The following ERG variants were observed in gnomAD, a reference collection of about 807,000 sequenced individuals.
The protein encoded by ERG is transcriptional regulator ERG.
ERG carries 9 observed loss-of-function variants against 55.3 expected under a neutral mutation model. The observed-to-expected ratio is 0.16, with a 90% CI of 0.10 to 0.28. ERG has a LOEUF of 0.28. Among genes scored for constraint, ERG ranks in the 10% least tolerant of loss-of-function variants. The pLI, the probability that ERG is intolerant of heterozygous loss-of-function variation, is 1.00. For synonymous variants in ERG, 223 were observed against 237.3 expected (o/e 0.94, Z 0.55); for missense variants, 434 against 631.6 (o/e 0.69, Z 3.35).
At chr21:38,511,436 G>A (rs982479663) in intron 2 of ERG, among the ~76,000 whole-genome samples, 3 of 152,132 alleles carry the variant, frequency 2.0e-5, no homozygotes, top group Admixed American at 6.6e-5. Flanking sequence ...CATGCTACAC[G>A]AGACTTCCTA....
intron 1 of ERG, among the ~76,000 whole-genome samples, chr21:38,605,168 A>G (rs1022467559): frequency 6.6e-6 from 1 of 152,170 alleles, no homozygotes; most frequent in African/African-American, 2.4e-5. Flanking sequence ...TCAAAAAGCT[A>G]TCTATACTAC....
intron 4 of ERG, 95 bp from the exon 5 acceptor site, chr21:38,402,732 G>GAAAGAA: frequency 3.3e-6 from 2 of 597,774 alleles, no homozygotes; most frequent in Non-Finnish European, 2.5e-6. Flanking sequence ...AAAAAAAAAA[G>GAAAGAA]AAAGAAAAAG....
chr21:38,615,436 A>C (rs2060252854), intron 1 of ERG, among the ~76,000 whole-genome samples: 1 of 152,118 alleles, frequency 6.6e-6, no homozygotes, highest in Non-Finnish European at 1.5e-5. Flanking sequence ...ATCTCAAAAA[A>C]TGCAAGCATG....
intron 2 of ERG, among the ~76,000 whole-genome samples, chr21:38,438,530 T>C (rs1451147689): frequency 6.6e-6 from 1 of 152,222 alleles, no homozygotes; most frequent in African/African-American, 2.4e-5. Flanking sequence ...ATGGCATGTT[T>C]TTTAAATAAC....
intron 1 of ERG, among the ~76,000 whole-genome samples, chr21:38,591,234 G>C (rs77282337): frequency 0.022 from 3,386 of 152,266 alleles, 77 homozygotes; most frequent in East Asian, 0.093. Context: ...CCAACCATAC[G>C]CATTGAGAAC....
At position 38,492,229 on chromosome 21, in the gene ERG, G is replaced by C. The variant is rs529074015; in HGVS notation, c.18+6134C>G. On this transcript the variant is annotated intron_variant, in intron 1 of 9. Transcript: ENST00000288319. ...TCTGTAAGAAAGCAGCAGTACCCAGGCTGCTGTGAGGATCACATGAGACAT... is the reference window on the plus strand; with the variant it reads ...TCTGTAAGAAAGCAGCAGTACCCAGCCTGCTGTGAGGATCACATGAGACAT... 9.9e-5 allele frequency among the ~76,000 whole-genome samples: 15 copies of C among 152,284 alleles called. No individual in the cohort carries two copies. In the South Asian group the frequency reaches 3.1e-3, roughly 32 times the overall value.
intron 1 of ERG, among the ~76,000 whole-genome samples, chr21:38,598,673 C>T (rs748186413): frequency 1.1e-4 from 16 of 152,130 alleles, no homozygotes; most frequent in Admixed American, 2.0e-4. Flanking sequence ...AAGTCCCTGC[C>T]CCTCTGCCTT....
At chr21:38,399,930 A>T (rs1286025893) in intron 6 of ERG, 1 of 203,346 alleles carries the variant, frequency 4.9e-6, no homozygotes, top group Non-Finnish European at 1.0e-5. Context: ...GGCACAGAGG[A>T]GGCACTCAGC....
At chr21:38,490,534 T>C (rs1327777369) in intron 1 of ERG, among the ~76,000 whole-genome samples, 1 of 151,940 alleles carries the variant, frequency 6.6e-6, no homozygotes, top group African/African-American at 2.4e-5. Context: ...AGCCAGGGAG[T>C]GAACCCCAAA....
At chr21:38,537,342 G>C (rs10854385) in intron 2 of ERG, among the ~76,000 whole-genome samples, 1 of 151,794 alleles carries the variant, frequency 6.6e-6, no homozygotes, top group African/African-American at 2.4e-5. Context: ...ACTTTTGTGA[G>C]TCAAACAAGC....
chr21:38,399,216 A>G (rs1384401195), intron 6 of ERG, among the ~76,000 whole-genome samples: 1 of 152,266 alleles, frequency 6.6e-6, no homozygotes, highest in East Asian at 1.9e-4. Flanking sequence ...CCTTTCCATC[A>G]TGCTTCCCAG....
At chr21:38,370,881 C>A in the ERG span, among the ~76,000 whole-genome samples, 1 of 151,258 alleles carries the variant, frequency 6.6e-6, no homozygotes, top group African/African-American at 2.4e-5. Flanking sequence ...TGCTTTCAAG[C>A]ATAGCTGGGC....
At chr21:38,523,433 T>A (rs1269642069) in intron 2 of ERG, among the ~76,000 whole-genome samples, 1 of 152,110 alleles carries the variant, frequency 6.6e-6, no homozygotes, top group Non-Finnish European at 1.5e-5. Flanking sequence ...TGAGTATTCA[T>A]CACCAACATC....
intron 2 of ERG, among the ~76,000 whole-genome samples, chr21:38,536,680 T>C (rs2059713133): frequency 7.5e-6 from 1 of 132,532 alleles, no homozygotes; most frequent in Non-Finnish European, 1.8e-5. Context: ...AACAAGACAA[T>C]GGAAGTCTGT....
At chr21:38,464,938 C>G (rs1348149489) in intron 1 of ERG, among the ~76,000 whole-genome samples, 1 of 152,104 alleles carries the variant, frequency 6.6e-6, no homozygotes, top group Non-Finnish European at 1.5e-5. Flanking sequence ...TGTATATGTG[C>G]CACATTTTCT....
In ERG at chr21:38,396,199, A is replaced by G. The variant is rs563988305; in HGVS notation, c.746-3755T>C. On this transcript the variant is annotated intron_variant, in intron 6 of 9. Transcript: ENST00000288319. ...AAAAAAAGTTTGAGTCAACCTTAAC[A>G]TAATTAAGTTGCTCTCTATTTTCCT... Among the ~76,000 whole-genome samples the G allele has an allele frequency of 9.8e-5, 15 of 152,362 alleles. No homozygotes were observed. The South Asian group carries it at 2.5e-3, about 25-fold the overall frequency.
intron 1 of ERG, among the ~76,000 whole-genome samples, chr21:38,485,823 C>T (rs1568843323): frequency 6.6e-6 from 1 of 151,926 alleles, no homozygotes; most frequent in Non-Finnish European, 1.5e-5. Context: ...ATTCACTAAC[C>T]ACTCACTGAT....
intron 2 of ERG, among the ~76,000 whole-genome samples, chr21:38,565,272 CCT>C (rs1325375543): frequency 6.6e-6 from 1 of 152,146 alleles, no homozygotes; most frequent in Non-Finnish European, 1.5e-5. Flanking sequence ...TCTTGGTCCC[CCT>C]CTAGACTGTT....
chr21:38,445,138 C>CT (rs77891753), intron 2 of ERG, among the ~76,000 whole-genome samples: 3,887 of 136,666 alleles, frequency 0.028, 68 homozygotes, highest in Middle Eastern at 0.059. Context: ...CTTTCTTCTT[C>CT]TTTTTTTTTT....
Sources: allele counts gnomAD v4.1 joint callset (sites outside exome capture counted in the v4.1 genomes callset), GRCh38; gene constraint gnomAD v4.1.1; transcripts MANE v1.5; gene names NCBI Gene and HGNC (gene_info 2026-07-23, HGNC 2026-07-21).